SDK1: variants seen among roughly 807,000 people sequenced by gnomAD.
The protein encoded by SDK1 is sidekick cell adhesion molecule 1.
Under a neutral mutation model 245.5 loss-of-function variants are expected in SDK1, and 157 were observed. That is an observed-to-expected ratio of 0.64 (90% CI 0.56 to 0.73). The LOEUF is 0.73. Ranked by LOEUF, SDK1 falls within the 30% of genes least tolerant of loss-of-function variation. The probability of loss-of-function intolerance (pLI) is 0.00; values close to 1 mark genes in which losing one functional copy is unlikely to be tolerated. For synonymous variants in SDK1, 1,647 were observed against 1,278.5 expected (o/e 1.29, Z -6.15); for missense variants, 3,583 against 3,002.3 (o/e 1.19, Z -4.52).
Position 4,139,721 on chromosome 7 carries a change from ATGTGTGTGTGTGTGTATG to A in SDK1, c.4229-5985_4229-5968del, listed in dbSNP as rs1562872995. Among the ~76,000 whole-genome samples, 181 of 110,534 alleles carry A rather than the reference ATGTGTGTGTGTGTGTATG, an allele frequency of 1.6e-3. 2 individuals are homozygous for A. The South Asian group carries it at 0.042, about 25-fold the overall frequency. 72.5% of individuals were successfully genotyped at this position (110,534 alleles called of 152,430 possible). On this transcript the variant is annotated intron_variant, in intron 28 of 44. Transcript: ENST00000404826. ...TGTGTGTGTATGTGTGTGTGTGTGT[ATGTGTGTGTGTGTGTATG>A]TGTGTGTGTGTGTGTGTGTATAATC...
rs147005308 is a variant in SDK1 at position 3,584,122 on chromosome 7, A to G, written c.299-34958A>G. 8.5e-3 allele frequency among the ~76,000 whole-genome samples: 1,298 copies of G among 152,254 alleles called. 8 individuals are homozygous for G. The highest frequency in any genetic ancestry group is 0.013 in the Non-Finnish European group (861 of 68,008). ...TCCCTTAGTATGTTTTTGCAAACCT[A>G]TTTTGGGGTATTGTAAAAAGATTCT... On this transcript the variant is annotated intron_variant, in intron 1 of 44. Coordinates refer to ENST00000404826, the MANE Select transcript of SDK1 (RefSeq NM_152744.4).
intron 1 of SDK1, among the ~76,000 whole-genome samples, chr7:3,542,004 T>C (rs1234459903): frequency 2.0e-5 from 3 of 152,218 alleles, no homozygotes; most frequent in African/African-American, 4.8e-5. Context: ...TGTATACATA[T>C]GTAACAAACC....
chr7:3,962,994 T>C lies in SDK1; in HGVS notation c.1429+143T>C, dbSNP rs11977531. On this transcript the variant is annotated intron_variant, in intron 9 of 44. Transcript: ENST00000404826. Reference sequence around the variant, plus strand: ...GACGTATCCAGTGAGTACACTCAGCTCCATGGCTACCTGGATGTAACCACT... The same window carrying C: ...GACGTATCCAGTGAGTACACTCAGCCCCATGGCTACCTGGATGTAACCACT... The C allele has an allele frequency of 0.04, 12,286 of 307,856 alleles. 1,975 individuals carry two copies. The African/African-American group carries it at 0.48, about 12-fold the overall frequency. 19.1% of individuals were successfully genotyped at this position (307,856 alleles called of 1,614,324 possible).
At chr7:3,987,785 C>T (rs921281587) in intron 14 of SDK1, among the ~76,000 whole-genome samples, 2 of 152,154 alleles carry the variant, frequency 1.3e-5, no homozygotes, top group African/African-American at 4.8e-5. Context: ...TACCGCCATC[C>T]TTGGAACTCT....
At chr7:3,850,680 A>T (rs961472888) in intron 5 of SDK1, among the ~76,000 whole-genome samples, 5 of 152,200 alleles carry the variant, frequency 3.3e-5, no homozygotes, top group African/African-American at 1.2e-4. Context: ...TGCGGCCATA[A>T]AAAAGGATGC....
At chr7:4,168,743 A>G (rs1309521346) in intron 32 of SDK1, among the ~76,000 whole-genome samples, 1 of 152,098 alleles carries the variant, frequency 6.6e-6, no homozygotes, top group East Asian at 1.9e-4. Context: ...GGCGAGAGGG[A>G]GGCTTTGAAG....
intron 20 of SDK1, among the ~76,000 whole-genome samples, chr7:4,073,094 CAGTT>C (rs909777140): frequency 3.3e-5 from 5 of 152,320 alleles, no homozygotes; most frequent in African/African-American, 7.2e-5. Flanking sequence ...CCATTAGTCT[CAGTT>C]AGGCAGCCAT....
At chr7:3,506,327 T>C (rs1311356921) in intron 1 of SDK1, among the ~76,000 whole-genome samples, 1 of 152,226 alleles carries the variant, frequency 6.6e-6, no homozygotes, top group African/African-American at 2.4e-5. Flanking sequence ...TTATATTGTG[T>C]CTGATGAAAA....
intron 41 of SDK1, among the ~76,000 whole-genome samples, chr7:4,236,949 C>G (rs953260391): frequency 2.0e-5 from 3 of 152,126 alleles, no homozygotes; most frequent in Non-Finnish European, 2.9e-5. Context: ...TTCTGTCACC[C>G]AGGCTGGAGT....
chr7:4,103,667 C>G (rs998677767), intron 22 of SDK1, among the ~76,000 whole-genome samples: 1 of 152,198 alleles, frequency 6.6e-6, no homozygotes, highest in Non-Finnish European at 1.5e-5. Context: ...GCATTAAACA[C>G]CAAGTTGAGG....
intron 27 of SDK1, 102 bp downstream of exon 27, chr7:4,130,199 A>T: frequency 7.7e-7 from 1 of 1,304,212 alleles, no homozygotes; most frequent in South Asian, 1.5e-5. Context: ...TAATTTTCAA[A>T]CCACTTTCTT....
intron 4 of SDK1, among the ~76,000 whole-genome samples, chr7:3,759,216 G>T (rs938610756): frequency 2.0e-5 from 3 of 152,148 alleles, no homozygotes; most frequent in Non-Finnish European, 4.4e-5. Context: ...AATTCTGAAA[G>T]AAATGCTGTA....
chr7:3,335,052 C>T (rs1314899837), intron 1 of SDK1, among the ~76,000 whole-genome samples: 1 of 152,136 alleles, frequency 6.6e-6, no homozygotes, highest in Non-Finnish European at 1.5e-5. Flanking sequence ...AAAACATACC[C>T]TGAAACCAGT....
chr7:3,509,936 C>G (rs1331689450), intron 1 of SDK1, among the ~76,000 whole-genome samples: 1 of 152,172 alleles, frequency 6.6e-6, no homozygotes, highest in African/African-American at 2.4e-5. Flanking sequence ...GGCTTCACCC[C>G]AGACTCATTA....
At chr7:4,113,198 C>T (rs1783460144) in intron 23 of SDK1, 91 bp from the exon 24 acceptor site, 4 of 1,374,240 alleles carry the variant, frequency 2.9e-6, no homozygotes, top group African/African-American at 1.4e-5. Context: ...TCTGAGCCCT[C>T]CCTTGAGAAA....
intron 5 of SDK1, among the ~76,000 whole-genome samples, chr7:3,891,556 C>T (rs554996602): frequency 2.6e-5 from 4 of 152,230 alleles, no homozygotes; most frequent in South Asian, 2.1e-4. Context: ...TCTTTGATTC[C>T]GGTCAACCCC....
intron 1 of SDK1, among the ~76,000 whole-genome samples, chr7:3,484,659 C>A (rs985421626): frequency 6.6e-6 from 1 of 152,154 alleles, no homozygotes; most frequent in Non-Finnish European, 1.5e-5. Flanking sequence ...CTCACACTTT[C>A]CTCTCCCCTG....
At chr7:3,446,390 A>G (rs1448973169) in intron 1 of SDK1, among the ~76,000 whole-genome samples, 2 of 152,124 alleles carry the variant, frequency 1.3e-5, no homozygotes, top group Non-Finnish European at 2.9e-5. Context: ...TTTGCACTTT[A>G]TCATACAATT....
intron 4 of SDK1, among the ~76,000 whole-genome samples, chr7:3,709,243 G>A (rs894415148): frequency 1.3e-5 from 2 of 152,180 alleles, no homozygotes; most frequent in African/African-American, 4.8e-5. Flanking sequence ...CAGTTATTCT[G>A]TTTAAGGAGC....
Sources: allele counts gnomAD v4.1 joint callset (sites outside exome capture counted in the v4.1 genomes callset), GRCh38; gene constraint gnomAD v4.1.1; transcripts MANE v1.5; gene names NCBI Gene and HGNC (gene_info 2026-07-23, HGNC 2026-07-21).